Variants in CNNM4 observed in about 807,000 individuals in gnomAD.
CNNM4 encodes the protein cyclin and CBS domain divalent metal cation transport mediator 4.
A neutral mutation model predicts 53.7 loss-of-function variants in CNNM4; 32 were observed. That is an observed-to-expected ratio of 0.60 (90% CI 0.45 to 0.80). The LOEUF (loss-of-function observed/expected upper bound fraction) is 0.80. Among genes scored for constraint, CNNM4 ranks in the 30% least tolerant of loss-of-function variants. The probability of loss-of-function intolerance (pLI) is 0.00; values close to 1 mark genes in which losing one functional copy is unlikely to be tolerated. For missense variants in CNNM4, 784 were observed against 1,022.0 expected (o/e 0.77, Z 3.17); for synonymous variants, 410 against 440.0 (o/e 0.93, Z 0.85).
At chr2:96,805,557 C>G (rs1187524626) in intron 5 of CNNM4, among the ~76,000 whole-genome samples, 90 of 123,616 alleles carry the variant, frequency 7.3e-4, no homozygotes, top group Admixed American at 1.5e-3. Context: ...AACAAGTGAA[C>G]AAAGGTCTCT....
chr2:96,785,757 T>C (rs932794019), intron 1 of CNNM4, among the ~76,000 whole-genome samples: 6 of 151,746 alleles, frequency 4.0e-5, no homozygotes, highest in African/African-American at 1.5e-4. Flanking sequence ...TGAGCTATGA[T>C]TGTACCACTG....
intron 1 of CNNM4, among the ~76,000 whole-genome samples, chr2:96,768,481 G>A (rs1416241734): frequency 6.6e-6 from 1 of 152,240 alleles, no homozygotes; most frequent in African/African-American, 2.4e-5. Flanking sequence ...GGGCAGGCCT[G>A]TGAGATGCTT....
Position 96,761,068 on chromosome 2 carries a change from G to T in CNNM4, c.69G>T (p.Ala23=). Residue 23 remains alanine (A), a synonymous_variant, in exon 1 of 7, where the codon GCG becomes GCT. Transcript: ENST00000377075. This position sits in a 1 kb window ranked among gnomAD's most constrained non-coding sequence, Gnocchi z 6.0. Reference sequence around the variant, plus strand: ...CCCGCGGGCGCCTCCTCCTGGCGGCGCCGGTGCTGCTGGTGCTGCTGTGGG... The same window carrying T: ...CCCGCGGGCGCCTCCTCCTGGCGGCTCCGGTGCTGCTGGTGCTGCTGTGGG... The part of the protein sequence containing the change: ...GPARGRLLLA[A]PVLLVLLWAL... 1.6e-5 allele frequency: 20 copies of T among 1,276,150 alleles called. No homozygotes were observed. The highest frequency in any genetic ancestry group is 2.0e-5 in the Non-Finnish European group (20 of 1,007,388). The allele number at this position is 1,276,150 out of a possible 1,614,324, so 79.1% of individuals were successfully genotyped here.
chr2:96,791,530 G>A (rs1212328672), intron 1 of CNNM4, among the ~76,000 whole-genome samples: 16 of 151,710 alleles, frequency 1.1e-4, no homozygotes, highest in Admixed American at 1.1e-3. Context: ...CTAGTCAGGA[G>A]GCTGAGGCAG....
Position 96,799,109 on chromosome 2 carries a change from A to G in CNNM4, c.1734A>G (p.Leu578=), listed in dbSNP as rs1481430961. 1.2e-6 allele frequency: 2 copies of G among 1,614,058 alleles called. No homozygotes were observed. The highest frequency in any genetic ancestry group is 1.7e-6 in the Non-Finnish European group (2 of 1,179,980). ...SLISEKILLR[L]LKYPDVIQEL... is the part of the protein sequence containing the mutation. ...TATCAGAGAAGATCCTGCTGCGGCT[A>G]CTCAAGTACCCAGATGTCATTCAGG... Residue 578 remains leucine (L), a synonymous_variant, in exon 4 of 7, where the codon CTA becomes CTG. Transcript: ENST00000377075.
chr2:96,779,199 C>T (rs1183515770), intron 1 of CNNM4, among the ~76,000 whole-genome samples: 1 of 152,156 alleles, frequency 6.6e-6, no homozygotes. Flanking sequence ...AGCTCGTGAT[C>T]CGCCCGCCTC....
At chr2:96,780,684 TTTTG>T (rs563948432) in intron 1 of CNNM4, among the ~76,000 whole-genome samples, 11 of 152,064 alleles carry the variant, frequency 7.2e-5, no homozygotes, top group South Asian at 2.1e-4. Context: ...CAGGTTTTTG[TTTTG>T]TTTGTTTTGT....
intron 1 of CNNM4, among the ~76,000 whole-genome samples, chr2:96,768,802 G>A (rs2078841259): frequency 6.6e-6 from 1 of 152,324 alleles, no homozygotes; most frequent in African/African-American, 2.4e-5. Flanking sequence ...GTCTGGGTGT[G>A]GCCCGAGAGT....
In CNNM4 at chr2:96,797,300, G is replaced by A. The variant is rs2079112312; in HGVS notation, c.1546+145G>A. 1.5e-6 allele frequency: 2 copies of A among 1,365,406 alleles called. No homozygotes were observed. Among genetic ancestry groups the A allele is most frequent in the Admixed American group, 1.8e-5 (1 of 55,540 alleles). The allele number at this position is 1,365,406 out of a possible 1,614,324, so 84.6% of individuals were successfully genotyped here. ...GGCTGGGTGCCCTGCACTGGCCGGGGTGAGCAGGGAGCAGGTTGCTGAGAG... is the reference window on the plus strand; with the variant it reads ...GGCTGGGTGCCCTGCACTGGCCGGGATGAGCAGGGAGCAGGTTGCTGAGAG... On this transcript the variant is annotated intron_variant, in intron 2 of 6. Transcript: ENST00000377075. The surrounding 1 kb of genome is among the most constrained non-coding windows in gnomAD (Gnocchi z 6.0).
intron 5 of CNNM4, among the ~76,000 whole-genome samples, chr2:96,806,317 A>C (rs569846895): frequency 1.3e-5 from 2 of 152,150 alleles, no homozygotes; most frequent in Non-Finnish European, 2.9e-5. Context: ...AACGTCAGTC[A>C]TAAAGACTTG....
At chr2:96,799,762 C>A in intron 5 of CNNM4, 114 bp downstream of exon 5, 1 of 936,832 alleles carries the variant, frequency 1.1e-6, no homozygotes, top group Non-Finnish European at 1.7e-6. Context: ...CTGGCTGGGG[C>A]AGAGGGAGGC....
chr2:96,807,633 G>A (rs2079221749), intron 5 of CNNM4, among the ~76,000 whole-genome samples: 1 of 151,970 alleles, frequency 6.6e-6, no homozygotes, highest in Non-Finnish European at 1.5e-5. Context: ...TACTCAGGAG[G>A]CTGAGGCAGC....
chr2:96,761,027 C>T lies in CNNM4; in HGVS notation c.28C>T (p.Pro10Ser). MAPVGGGGR[P>S]VGGPARGRLL... ...GGCGCCGGTGGGCGGGGGCGGGCGC[C>T]CGGTCGGCGGACCGGCCCGCGGGCG... Residue 10 changes from proline to serine, a missense_variant, in exon 1 of 7, where the codon CCG becomes TCG. Physicochemically the swap from Pro to Ser is moderately conservative, Grantham distance 74. This residue lies in a region of CNNM4 where 473 missense variants were observed against 624.6 expected (regional missense o/e 0.76). Transcript: ENST00000377075. The surrounding 1 kb of genome is among the most constrained non-coding windows in gnomAD (Gnocchi z 6.0). 8.3e-7 allele frequency: 1 copy of T among 1,204,486 alleles called. No individual in the cohort carries two copies. Among genetic ancestry groups the T allele is most frequent in the Non-Finnish European group, 1.0e-6 (1 of 968,294 alleles). The allele number at this position is 1,204,486 out of a possible 1,614,324, so 74.6% of individuals were successfully genotyped here.
At chr2:96,774,337 G>A (rs2078905090) in intron 1 of CNNM4, among the ~76,000 whole-genome samples, 1 of 152,102 alleles carries the variant, frequency 6.6e-6, no homozygotes, top group African/African-American at 2.4e-5. Flanking sequence ...TCACTTGGAG[G>A]CCAGGAGTTT....
Position 96,779,917 on chromosome 2 carries a change from C to G in CNNM4, c.1403-17095C>G, listed in dbSNP as rs555567596. Among the ~76,000 whole-genome samples, 244 of 152,064 alleles carry G rather than the reference C, an allele frequency of 1.6e-3. 1 individual carries two copies. The highest frequency in any genetic ancestry group is 5.7e-3 in the African/African-American group (236 of 41,490). ...TCCTGGGTTCAAGCAATTCTCCTGC[C>G]TCAGCCTCCTGAGTAGCTGGGGCTA... On this transcript the variant is annotated intron_variant, in intron 1 of 6. Coordinates refer to ENST00000377075, the MANE Select transcript of CNNM4 (RefSeq NM_020184.4).
chr2:96,765,033 T>TTTTG, intron 1 of CNNM4, among the ~76,000 whole-genome samples: 1 of 94,272 alleles, frequency 1.1e-5, no homozygotes, highest in African/African-American at 7.7e-5. Flanking sequence ...GGTTTTTTTT[T>TTTTG]TTTTTTTTTT....
intron 1 of CNNM4, among the ~76,000 whole-genome samples, chr2:96,789,756 G>A (rs1305680066): frequency 2.6e-5 from 4 of 151,184 alleles, no homozygotes; most frequent in African/African-American, 9.7e-5. Flanking sequence ...ACAGTGGTGC[G>A]ATCTCGGCTC....
chr2:96,793,762 G>C (rs771331952), intron 1 of CNNM4, among the ~76,000 whole-genome samples: 37 of 152,296 alleles, frequency 2.4e-4, no homozygotes, highest in African/African-American at 8.7e-4. Flanking sequence ...TCAGGAGTTC[G>C]AGACCAGCCT....
At chr2:96,766,364 C>T (rs939160050) in intron 1 of CNNM4, among the ~76,000 whole-genome samples, 13 of 152,264 alleles carry the variant, frequency 8.5e-5, no homozygotes, top group Admixed American at 4.6e-4. Context: ...TGTGAGCCAC[C>T]GTGCCTGGCC....
Sources: gnomAD v4.1 joint callset for allele counts (sites outside exome capture counted in the v4.1 genomes callset) on GRCh38, gnomAD v4.1.1 for gene constraint, gnomAD v4.1.1 regional missense constraint, Gnocchi (gnomAD v3.1) non-coding constraint, MANE v1.5 for transcripts, NCBI Gene and HGNC (gene_info 2026-07-23, HGNC 2026-07-21) for gene names.